The following FAF1 variants were observed in gnomAD, a reference collection of about 807,000 sequenced individuals.
FAF1 encodes the protein FAS-associated factor 1.
Under a neutral mutation model 92.5 loss-of-function variants are expected in FAF1, and 25 were observed. That is an observed-to-expected ratio of 0.27 (90% CI 0.20 to 0.38). The LOEUF (loss-of-function observed/expected upper bound fraction) is 0.38. FAF1 is among the 10% of genes least tolerant of loss of function. The pLI is 1.00. For missense variants in FAF1, 636 were observed against 793.3 expected, an observed-to-expected ratio of 0.80 and a Z score of 2.38; for synonymous variants, 234 against 273.2, an observed-to-expected ratio of 0.86 and a Z score of 1.42.
chr1:50,621,500 A>G (rs1321443988), intron 8 of FAF1, among the ~76,000 whole-genome samples: 1 of 147,242 alleles, frequency 6.8e-6, no homozygotes, highest in East Asian at 2.0e-4. Context: ...CTGGGGCTCA[A>G]GTGGTTCTCC....
chr1:50,949,482 TG>T (rs1645197241), intron 1 of FAF1, among the ~76,000 whole-genome samples: 1 of 152,182 alleles, frequency 6.6e-6, no homozygotes, highest in Non-Finnish European at 1.5e-5. Context: ...CAATGTCCCC[TG>T]GGGGACAGAA....
intron 1 of FAF1, among the ~76,000 whole-genome samples, chr1:50,884,224 TTAAA>T (rs1644638090): frequency 6.7e-6 from 1 of 150,140 alleles, no homozygotes; most frequent in African/African-American, 2.5e-5. Context: ...TTAAAAATTC[TTAAA>T]TATAGGCCAG....
chr1:50,510,905 T>C (rs906738672), intron 15 of FAF1, among the ~76,000 whole-genome samples: 1 of 152,222 alleles, frequency 6.6e-6, no homozygotes, highest in Admixed American at 6.5e-5. Flanking sequence ...TTTAACTCAG[T>C]GTCAAGTACA....
chr1:50,901,033 T>TA (rs956542625), intron 1 of FAF1, among the ~76,000 whole-genome samples: 6 of 152,286 alleles, frequency 3.9e-5, no homozygotes, highest in Admixed American at 2.6e-4. Context: ...TTTAAAACAT[T>TA]AAAAAAAGTA....
chr1:50,621,305 T>TG (rs1653190203), intron 8 of FAF1, among the ~76,000 whole-genome samples: 1 of 151,728 alleles, frequency 6.6e-6, no homozygotes, highest in Admixed American at 6.6e-5. Flanking sequence ...CAGCTAGGAA[T>TG]GGGCCTTCGC....
At chr1:50,675,823 A>G (rs1434731098) in intron 7 of FAF1, among the ~76,000 whole-genome samples, 2 of 152,206 alleles carry the variant, frequency 1.3e-5, no homozygotes. Context: ...TGATAGTTAT[A>G]ATGATAAAGA....
chr1:50,707,424 T>C (rs916979854), intron 6 of FAF1, among the ~76,000 whole-genome samples: 1 of 151,876 alleles, frequency 6.6e-6, no homozygotes, highest in African/African-American at 2.4e-5. Context: ...ATGGGCTGGG[T>C]GCACTGGTGC....
chr1:50,898,616 G>A (rs976694322), intron 1 of FAF1, among the ~76,000 whole-genome samples: 6 of 152,012 alleles, frequency 3.9e-5, no homozygotes, highest in Non-Finnish European at 7.4e-5. Context: ...CCTATAGAAG[G>A]GAGAGAATAG....
intron 1 of FAF1, among the ~76,000 whole-genome samples, chr1:50,875,376 A>G (rs1570087160): frequency 6.6e-6 from 1 of 152,170 alleles, no homozygotes; most frequent in South Asian, 2.1e-4. Flanking sequence ...ATTACCCTAC[A>G]TATTTTAGCA....
chr1:50,917,703 A>AAAGGAAAG (rs1419508834), intron 1 of FAF1, among the ~76,000 whole-genome samples: 5 of 127,778 alleles, frequency 3.9e-5, no homozygotes, highest in Admixed American at 1.5e-4. Flanking sequence ...GGAAAGGAAA[A>AAAGGAAAG]GAAAGAAAAC....
intron 1 of FAF1, among the ~76,000 whole-genome samples, chr1:50,956,098 T>G (rs1196013944): frequency 1.3e-5 from 2 of 152,320 alleles, no homozygotes; most frequent in East Asian, 3.9e-4. Context: ...ATGAATGTAC[T>G]TAATGCCACT....
At chr1:50,617,693 G>GTTTTTTTTTTTTTT (rs61376152) in intron 8 of FAF1, among the ~76,000 whole-genome samples, 1 of 119,216 alleles carries the variant, frequency 8.4e-6, no homozygotes, top group African/African-American at 3.0e-5. Context: ...CTCCTCTTCT[G>GTTTTTTTTTTTTTT]TTTTTTTTTT....
intron 12 of FAF1, among the ~76,000 whole-genome samples, chr1:50,570,443 GAA>G (rs951670304): frequency 3.3e-5 from 5 of 151,824 alleles, no homozygotes; most frequent in Admixed American, 2.6e-4. Flanking sequence ...GAAGCTGAGA[GAA>G]AAAAGACTCT....
intron 4 of FAF1, chr1:50,781,280 A>G (rs1557524662): frequency 6.5e-6 from 1 of 153,302 alleles, no homozygotes; most frequent in Non-Finnish European, 1.5e-5. Flanking sequence ...AGTGAAGTAA[A>G]TAAAAGTAAA....
intron 7 of FAF1, among the ~76,000 whole-genome samples, chr1:50,659,172 T>C (rs1028827132): frequency 5.3e-5 from 8 of 151,214 alleles, no homozygotes; most frequent in Non-Finnish European, 1.2e-4. Context: ...GAATTTAAAG[T>C]CATCATGGAT....
chr1:50,944,896 C>A (rs1404444521), intron 1 of FAF1, among the ~76,000 whole-genome samples: 1 of 152,144 alleles, frequency 6.6e-6, no homozygotes, highest in Admixed American at 6.5e-5. Context: ...TAACCTCCCA[C>A]CCCTTCCATT....
At chr1:50,462,693 C>T (rs12059469) in intron 18 of FAF1, among the ~76,000 whole-genome samples, 1,609 of 152,202 alleles carry the variant, frequency 0.011, 30 homozygotes, top group African/African-American at 0.037. Context: ...TAGGTGATGG[C>T]TATCTCTAGG....
chr1:50,842,447 A>G (rs925096479), intron 2 of FAF1, among the ~76,000 whole-genome samples: 1 of 152,180 alleles, frequency 6.6e-6, no homozygotes, highest in Non-Finnish European at 1.5e-5. Context: ...TTAATACTAC[A>G]TGCATTACTG....
chr1:50,748,862 TG>T (rs1334609425), intron 4 of FAF1, among the ~76,000 whole-genome samples: 1 of 150,426 alleles, frequency 6.6e-6, no homozygotes, highest in Non-Finnish European at 1.5e-5. Context: ...AAAAGAAGAG[TG>T]GGGGGAGAAC....
Sources: allele counts gnomAD v4.1 joint callset (sites outside exome capture counted in the v4.1 genomes callset), GRCh38; gene constraint gnomAD v4.1.1; transcripts MANE v1.5; gene names NCBI Gene and HGNC (gene_info 2026-07-23, HGNC 2026-07-21).